ACSM4: variants seen among roughly 807,000 people sequenced by gnomAD.
ACSM4 encodes acyl-coenzyme A synthetase ACSM4, mitochondrial.
A neutral mutation model predicts 73.0 loss-of-function variants in ACSM4; 66 were observed. The ratio of observed to expected loss-of-function variants is 0.90; its 90% confidence interval spans 0.74 to 1.11. The LOEUF is 1.11. ACSM4 is among the 50% of genes least tolerant of loss of function. The pLI is 0.00. For missense variants in ACSM4, 645 were observed against 714.4 expected (o/e 0.90, Z 1.11); for synonymous variants, 222 against 254.0 (o/e 0.87, Z 1.20).
chr12:7,313,412 C>G (rs543144006), intron 3 of ACSM4, among the ~76,000 whole-genome samples: 5 of 152,242 alleles, frequency 3.3e-5, no homozygotes, highest in African/African-American at 1.2e-4. Flanking sequence ...GTCTCATTGC[C>G]AACAGTTGGC....
chr12:7,318,669 C>T (rs949106971), intron 5 of ACSM4, among the ~76,000 whole-genome samples: 1 of 152,162 alleles, frequency 6.6e-6, no homozygotes, highest in East Asian at 1.9e-4. Context: ...TTCTGGAAAT[C>T]GGGCATGCAT....
At position 7,318,561 on chromosome 12, in the gene ACSM4, G is replaced by A. The variant is rs373214788; in HGVS notation, c.921+379G>A. The A allele has an allele frequency of 8.1e-5, 13 of 160,932 alleles. No individual in the cohort carries two copies. The East Asian group carries it at 1.8e-3, about 23-fold the overall frequency. The allele number at this position is 160,932 out of a possible 1,614,324, so 10.0% of individuals were successfully genotyped here. A position where few individuals can be genotyped will look rare whatever the true frequency, so the allele number is the denominator to read the frequency against. ...ATAAACCAGAACTCTTGTGTGGAGT[G>A]GACATTAAAGGTGGGGGTGCCTTTC... On this transcript the variant is annotated intron_variant, in intron 5 of 12. Coordinates refer to ENST00000399422, the MANE Select transcript of ACSM4 (RefSeq NM_001080454.2).
At chr12:7,312,748 A>G (rs957627787) in intron 3 of ACSM4, among the ~76,000 whole-genome samples, 4 of 152,206 alleles carry the variant, frequency 2.6e-5, no homozygotes, top group Non-Finnish European at 5.9e-5. Context: ...AACATGTACA[A>G]TTCTTAGCTT....
At chr12:7,308,390 G>A (rs1445348082) in intron 2 of ACSM4, among the ~76,000 whole-genome samples, 1 of 152,174 alleles carries the variant, frequency 6.6e-6, no homozygotes, top group Non-Finnish European at 1.5e-5. Context: ...AAGCAAGGAG[G>A]TGAGATTATA....
At chr12:7,311,411 G>A (rs988015152) in intron 3 of ACSM4, among the ~76,000 whole-genome samples, 13 of 151,930 alleles carry the variant, frequency 8.6e-5, no homozygotes, top group Non-Finnish European at 1.3e-4. Context: ...CTTCTGCCTG[G>A]AGTGCTCTTC....
chr12:7,320,952 C>T (rs893277032), intron 6 of ACSM4, 148 bp downstream of exon 6: 28 of 729,362 alleles, frequency 3.8e-5, no homozygotes, highest in Admixed American at 6.5e-5. Context: ...CGTCGGAGGA[C>T]GGTCGTATGC....
intron 7 of ACSM4, 141 bp from the exon 8 acceptor site, chr12:7,323,093 C>T (rs1029681278): frequency 1.4e-5 from 10 of 738,710 alleles, no homozygotes; most frequent in Middle Eastern, 3.9e-4. Flanking sequence ...TTGAGAACTA[C>T]TGGTTTCAAA....
intron 11 of ACSM4, among the ~76,000 whole-genome samples, chr12:7,325,907 G>A (rs73270543): frequency 0.091 from 13,860 of 152,184 alleles, 732 homozygotes; most frequent in East Asian, 0.16. Context: ...TAGTGACACT[G>A]TGGATCCCAT....
At chr12:7,309,225 A>G (rs1946377135) in intron 2 of ACSM4, among the ~76,000 whole-genome samples, 1 of 152,176 alleles carries the variant, frequency 6.6e-6, no homozygotes, top group South Asian at 2.1e-4. Context: ...AGCATTGCCA[A>G]AGTAGTCTAG....
At chr12:7,327,740 A>G (rs1361088506) in intron 12 of ACSM4, among the ~76,000 whole-genome samples, 1 of 143,802 alleles carries the variant, frequency 7.0e-6, no homozygotes, top group Admixed American at 6.8e-5. Context: ...TCACTAAATC[A>G]TTGACTAAAG....
chr12:7,319,652 C>T (rs1357711387), intron 5 of ACSM4, among the ~76,000 whole-genome samples: 1 of 151,934 alleles, frequency 6.6e-6, no homozygotes, highest in Non-Finnish European at 1.5e-5. Context: ...CGCCACTCAC[C>T]TCCTGCTGTG....
chr12:7,323,359 C>T (rs750527854), intron 8 of ACSM4, 45 bp downstream of exon 8: 11 of 1,596,444 alleles, frequency 6.9e-6, no homozygotes, highest in South Asian at 1.1e-5. Flanking sequence ...GGAGAGAGAA[C>T]GTTTTCCTTT....
intron 5 of ACSM4, 58 bp from the exon 6 acceptor site, chr12:7,320,667 T>C: frequency 7.1e-7 from 1 of 1,409,354 alleles, no homozygotes; most frequent in Non-Finnish European, 1.0e-6. Context: ...AGATATCAGC[T>C]CTAGTCATGG....
rs76901706 is a variant in ACSM4 at position 7,328,649 on chromosome 12, A to G, written c.*276A>G. The G allele has an allele frequency of 4.3e-3, 880 of 206,860 alleles. 19 individuals carry two copies. In the East Asian group the frequency reaches 0.061, roughly 14 times the overall value. The allele number at this position is 206,860 out of a possible 1,614,324, so 12.8% of individuals were successfully genotyped here. Reference sequence around the variant, plus strand: ...AGCAGGAATAAAATGATTGCTTAGAACAAGAAAGTGCACATTGAATCTGTA... The same window carrying G: ...AGCAGGAATAAAATGATTGCTTAGAGCAAGAAAGTGCACATTGAATCTGTA... On this transcript the variant is annotated 3_prime_UTR_variant, in exon 13 of 13. Coordinates refer to ENST00000399422, the MANE Select transcript of ACSM4 (RefSeq NM_001080454.2).
chr12:7,323,146 T>C, intron 7 of ACSM4, 88 bp from the exon 8 acceptor site: 1 of 1,303,622 alleles, frequency 7.7e-7, no homozygotes, highest in Non-Finnish European at 1.1e-6. Context: ...GGAAAATCAG[T>C]CAAAATCAAA....
rs778986817 is a variant in ACSM4 at position 7,310,553 on chromosome 12, C to A, written c.427C>A (p.Pro143Thr). The A allele has an allele frequency of 8.7e-6, 14 of 1,606,390 alleles. No homozygotes were observed. Among genetic ancestry groups the A allele is most frequent in the Admixed American group, 1.7e-5 (1 of 59,282 alleles). ...ACIRTGIIFM[P>T]GTIQLTAKDI... Reference sequence around the variant, plus strand: ...GTCCTTCCCAGGGATCATCTTCATGCCGGGAACAATCCAGCTGACAGCAAA... The same window carrying A: ...GTCCTTCCCAGGGATCATCTTCATGACGGGAACAATCCAGCTGACAGCAAA... Residue 143 changes from proline (P) to threonine (T), a missense_variant, in exon 3 of 13, where the codon CCG becomes ACG. Physicochemically the swap from Pro to Thr is conservative, Grantham distance 38. Transcript: ENST00000399422.
At chr12:7,313,387 A>G (rs1246229624) in intron 3 of ACSM4, among the ~76,000 whole-genome samples, 1 of 152,230 alleles carries the variant, frequency 6.6e-6, no homozygotes, top group Non-Finnish European at 1.5e-5. Context: ...TCTAAAAACT[A>G]GGGAAGGGAT....
At chr12:7,320,471 A>C (rs1158248612) in intron 5 of ACSM4, among the ~76,000 whole-genome samples, 3 of 152,242 alleles carry the variant, frequency 2.0e-5, no homozygotes, top group Non-Finnish European at 2.9e-5. Flanking sequence ...CAAATTAAGC[A>C]ATTCACTTGT....
intron 11 of ACSM4, 45 bp from the exon 12 acceptor site, chr12:7,326,931 G>A (rs750215608): frequency 1.3e-6 from 2 of 1,541,366 alleles, no homozygotes; most frequent in South Asian, 1.2e-5. Context: ...TCCTTGATGT[G>A]TCTGAAAAAC....
Sources: allele counts gnomAD v4.1 joint callset (sites outside exome capture counted in the v4.1 genomes callset), GRCh38; gene constraint gnomAD v4.1.1; transcripts MANE v1.5; gene names NCBI Gene and HGNC (gene_info 2026-07-23, HGNC 2026-07-21).